GDA: variants seen among roughly 807,000 people sequenced by gnomAD.
GDA encodes guanine deaminase.
In GDA, 18 loss-of-function variants were observed where a neutral mutation model predicts 59.6. The observed-to-expected ratio is 0.30, with a 90% CI of 0.21 to 0.45. The LOEUF (loss-of-function observed/expected upper bound fraction) is 0.45. Among genes scored for constraint, GDA ranks in the 20% least tolerant of loss-of-function variants. GDA has a pLI of 1.00. For missense variants in GDA, 427 were observed against 552.3 expected (o/e 0.77, Z 2.27); for synonymous variants, 201 against 201.1 (o/e 1.00, Z 0.00).
At chr9:72,244,534 G>A (rs1272478108) in intron 11 of GDA, among the ~76,000 whole-genome samples, 1 of 152,186 alleles carries the variant, frequency 6.6e-6, no homozygotes, top group African/African-American at 2.4e-5. Flanking sequence ...GTTTTCAAAA[G>A]CATTGAGACT....
chr9:72,118,846 A>C (rs1459279948), intron 1 of GDA, among the ~76,000 whole-genome samples: 2 of 152,176 alleles, frequency 1.3e-5, no homozygotes, highest in Admixed American at 1.3e-4. Flanking sequence ...TGCATGACAA[A>C]GGATTGCTTA....
intron 1 of GDA, among the ~76,000 whole-genome samples, chr9:72,178,413 ATTTT>A (rs145032320): frequency 3.6e-4 from 42 of 117,158 alleles, no homozygotes; most frequent in African/African-American, 1.3e-3. Flanking sequence ...TGGAATCGAT[ATTTT>A]TTTTTTTTTT....
chr9:72,124,100 A>T (rs1825768041), intron 1 of GDA, among the ~76,000 whole-genome samples: 1 of 152,198 alleles, frequency 6.6e-6, no homozygotes, highest in African/African-American at 2.4e-5. Context: ...AAAAAGGCCA[A>T]CCTCTAGCAA....
intron 1 of GDA, among the ~76,000 whole-genome samples, chr9:72,117,497 G>T (rs755399838): frequency 2.2e-4 from 34 of 152,138 alleles, no homozygotes; most frequent in Non-Finnish European, 4.1e-4. Context: ...AAACTCAAGT[G>T]CATCAGTCAG....
chr9:72,183,723 G>A, intron 1 of GDA, among the ~76,000 whole-genome samples: 1 of 152,068 alleles, frequency 6.6e-6, no homozygotes, highest in Non-Finnish European at 1.5e-5. Context: ...GTTCTTGTGA[G>A]GTTTAAACAA....
intron 1 of GDA, among the ~76,000 whole-genome samples, chr9:72,154,711 A>G (rs34248273): frequency 0.027 from 4,175 of 152,332 alleles, 66 homozygotes; most frequent in Middle Eastern, 0.048. Flanking sequence ...TTGAGAAGTC[A>G]TGCATTCAGA....
At chr9:72,169,977 G>T (rs1367023042) in intron 1 of GDA, among the ~76,000 whole-genome samples, 9 of 152,176 alleles carry the variant, frequency 5.9e-5, no homozygotes, top group Admixed American at 5.2e-4. Context: ...CGTCCAGGAG[G>T]AGGTGTTCTC....
intron 2 of GDA, among the ~76,000 whole-genome samples, chr9:72,196,606 G>T (rs560760301): frequency 1.3e-5 from 2 of 151,976 alleles, no homozygotes; most frequent in South Asian, 4.2e-4. Context: ...TTAAGTTCTG[G>T]GATACATGTG....
intron 10 of GDA, among the ~76,000 whole-genome samples, chr9:72,237,361 T>G (rs1839126309): frequency 1.3e-5 from 2 of 152,236 alleles, no homozygotes; most frequent in African/African-American, 4.8e-5. Flanking sequence ...GTATTTGCCA[T>G]GATTGACTGT....
At chr9:72,158,667 A>ATT (rs1210930644) in intron 1 of GDA, among the ~76,000 whole-genome samples, 1 of 151,688 alleles carries the variant, frequency 6.6e-6, no homozygotes, top group Non-Finnish European at 1.5e-5. Flanking sequence ...TGTTGTTATT[A>ATT]TTTTTCTTTC....
Position 72,210,721 on chromosome 9 carries a change from G to C in GDA, c.419G>C (p.Cys140Ser). 1 of 1,611,558 alleles carries C rather than the reference G, an allele frequency of 6.2e-7. No homozygotes were observed. Among genetic ancestry groups the C allele is most frequent in the Non-Finnish European group, 8.5e-7 (1 of 1,177,746 alleles). The change falls in exon 4 of 14, where the codon TGT becomes TCT. Residue 140 changes from cysteine (C) to serine (S), a missense_variant. Cys to Ser is a moderately radical substitution (Grantham distance 112). Transcript: ENST00000358399. The part of the protein sequence containing the change: ...RTLKNGTTTA[C>S]YFATIHTDSS... ...CTAAAGAATGGAACAACCACAGCTT[G>C]TTACTTTGCAACAATTCACACTGAC...
chr9:72,228,291 A>G (rs1018573453), intron 9 of GDA: 14 of 426,720 alleles, frequency 3.3e-5, no homozygotes, highest in Non-Finnish European at 5.5e-5. Context: ...AAAAAGGACA[A>G]TAGGGAATAC....
chr9:72,225,858 T>C, intron 8 of GDA, 74 bp downstream of exon 8: 1 of 658,008 alleles, frequency 1.5e-6, no homozygotes, highest in South Asian at 2.1e-5. Context: ...TCAATAGTAA[T>C]CTTCAGATTT....
Position 72,248,999 on chromosome 9 carries a change from T to G in GDA, c.*657T>G. ...TGAATGTCAGAAATTGAATGCCACATGCTTTCATAATATAGTTTTGTGCTT... is the reference window on the plus strand; with the variant it reads ...TGAATGTCAGAAATTGAATGCCACAGGCTTTCATAATATAGTTTTGTGCTT... On this transcript the variant is annotated 3_prime_UTR_variant, in exon 14 of 14. Coordinates refer to ENST00000358399, the MANE Select transcript of GDA (RefSeq NM_004293.5). 1.0e-6 allele frequency: 1 copy of G among 984,616 alleles called. No individual in the cohort carries two copies. Among genetic ancestry groups the G allele is most frequent in the Non-Finnish European group, 1.2e-6 (1 of 828,788 alleles). 61.0% of individuals were successfully genotyped at this position (984,616 alleles called of 1,614,324 possible).
intron 12 of GDA, among the ~76,000 whole-genome samples, chr9:72,245,868 A>G (rs79967810): frequency 1.3e-5 from 2 of 152,330 alleles, no homozygotes; most frequent in Non-Finnish European, 1.5e-5. Flanking sequence ...GATAAAATAA[A>G]CTAGTTCATC....
chr9:72,161,959 A>C (rs1302783765), intron 1 of GDA, among the ~76,000 whole-genome samples: 1 of 152,248 alleles, frequency 6.6e-6, no homozygotes, highest in Non-Finnish European at 1.5e-5. Flanking sequence ...CACAAGAAGT[A>C]ACATCGTTGG....
upstream of GDA, among the ~76,000 whole-genome samples, chr9:72,145,226 T>C (rs1405504479): frequency 6.6e-6 from 1 of 152,172 alleles, no homozygotes. Context: ...CCAGCAACTG[T>C]TGGAAAACCA....
intron 1 of GDA, among the ~76,000 whole-genome samples, chr9:72,189,919 C>G (rs1173634257): frequency 6.6e-6 from 1 of 152,096 alleles, no homozygotes; most frequent in African/African-American, 2.4e-5. Context: ...GGGCAGAATG[C>G]TATGGTTTGA....
rs760574784 is a variant in GDA at position 72,241,286 on chromosome 9, G to A, written c.1123G>A (p.Gly375Arg). The A allele has an allele frequency of 9.3e-5, 148 of 1,599,372 alleles. 3 individuals are homozygous for A. The Admixed American group carries it at 2.3e-3, about 25-fold the overall frequency. The change falls in exon 11 of 14, where the codon GGA (glycine) becomes AGA (arginine). Residue 375 changes from glycine (G) to arginine (R), a missense_variant. Transcript: ENST00000358399. ...AGAAGTCTTCAGACTAGCTACTCTT[G>A]GAGGAAGCCAAGGTAATGACTCTTA... The part of the protein sequence containing the change: ...LKEVFRLATL[G>R]GSQALGLDGE...
Sources: gnomAD v4.1 joint callset for allele counts (sites outside exome capture counted in the v4.1 genomes callset) on GRCh38, gnomAD v4.1.1 for gene constraint, MANE v1.5 for transcripts, NCBI Gene and HGNC (gene_info 2026-07-23, HGNC 2026-07-21) for gene names.